COMMD5: variants seen among roughly 807,000 people sequenced by gnomAD.
COMMD5 encodes COMM domain containing 5.
COMMD5 carries 10 observed loss-of-function variants against 6.9 expected under a neutral mutation model. The ratio of observed to expected loss-of-function variants is 1.44; its 90% CI spans 0.89 to 2.45. The LOEUF is 2.45. Among genes scored for constraint, COMMD5 ranks in the 30% most tolerant of loss-of-function variants. COMMD5 has a pLI of 0.00. For synonymous variants in COMMD5, 127 were observed against 125.3 expected, an observed-to-expected ratio of 1.01 and a Z score of -0.09; for missense variants, 234 against 287.8, an observed-to-expected ratio of 0.81 and a Z score of 1.35.
chr8:144,846,369 A>G, downstream of COMMD5: 1 of 599,890 alleles, frequency 1.7e-6, no homozygotes, highest in African/African-American at 1.8e-5. Flanking sequence ...GGAGAAAATA[A>G]GAGACTTGTG....
intron 1 of COMMD5, among the ~76,000 whole-genome samples, chr8:144,844,950 T>C (rs763691978): frequency 3.3e-5 from 5 of 150,470 alleles, no homozygotes; most frequent in Non-Finnish European, 7.4e-5. Flanking sequence ...GGAAAAACGA[T>C]GGTAGGGAAA....
chr8:144,838,383 C>T (rs1829337249), downstream of COMMD5: 1 of 486,290 alleles, frequency 2.1e-6, no homozygotes, highest in African/African-American at 2.0e-5. Flanking sequence ...CTAACCAGGG[C>T]ACCCACTGCC....
Position 144,850,923 on chromosome 8 carries a change from T to C in COMMD5, c.416A>G (p.Asp139Gly), listed in dbSNP as rs755250483. The C allele has an allele frequency of 5.6e-6, 9 of 1,607,968 alleles. No individual in the cohort carries two copies. The highest frequency in any genetic ancestry group is 6.8e-6 in the Non-Finnish European group (8 of 1,177,858). The change falls in exon 2 of 2, where the codon GAT becomes GGT. Residue 139 changes from aspartate (D) to glycine (G), a missense_variant. Coordinates refer to ENST00000305103, the MANE Select transcript of COMMD5 (RefSeq NM_014066.4). This position sits in a 1 kb window ranked among gnomAD's most constrained non-coding sequence, Gnocchi z 4.0. ...VVFGSQRPLL[D>G]SVAQQQGAWL... ...GGCCCCCTGCTGCTGGGCCACAGAA[T>C]CAAGGAGGGGCCGCTGGCTCCCAAA...
At chr8:144,846,081 C>T, downstream of COMMD5, 1 of 1,536,450 alleles carries the variant, frequency 6.5e-7, no homozygotes, top group Non-Finnish European at 8.7e-7. Flanking sequence ...CAAAGACTGA[C>T]CCTGCCTCCT....
In COMMD5 at chr8:144,843,535, C is replaced by G. The variant is rs1203865503; in HGVS notation, c.*117-1792G>C. ...CCCAGGAGGCGGAGCTTGCAGTGAG[C>G]TGAGATCGCGCCACTGCACTCCAGC... On this transcript the variant is annotated intron_variant and NMD_transcript_variant, in intron 1 of 1. Transcript: ENST00000530332. 7.3e-5 allele frequency: 11 copies of G among 150,854 alleles called. No individual in the cohort carries two copies. The Admixed American group carries it at 8.1e-4, about 11-fold the overall frequency. 9.3% of individuals were successfully genotyped at this position (150,854 alleles called of 1,614,324 possible). A position where few individuals can be genotyped will look rare whatever the true frequency, so the allele number is the denominator to read the frequency against.
chr8:144,849,058 C>CCA (rs1830629325), downstream of COMMD5, among the ~76,000 whole-genome samples: 1 of 152,198 alleles, frequency 6.6e-6, no homozygotes, highest in African/African-American at 2.4e-5. Flanking sequence ...GCTCTGGGCT[C>CCA]CACACAGGCT....
At chr8:144,838,298 GACTGTGTTTCCAAACAA>G (rs1043654138), downstream of COMMD5, 6 of 585,160 alleles carry the variant, frequency 1.0e-5, no homozygotes, top group African/African-American at 9.3e-5. Context: ...AATCTGCAAC[GACTGTGTTTCCAAACAA>G]GGTCACATTC....
At chr8:144,842,570 A>T in intron 1 of COMMD5, 1 of 1,614,208 alleles carries the variant, frequency 6.2e-7, no homozygotes, top group Non-Finnish European at 8.5e-7. Context: ...ATTCAGCATC[A>T]GCGAATCCAC....
At chr8:144,848,294 A>G (rs1350540576), downstream of COMMD5, among the ~76,000 whole-genome samples, 1 of 151,440 alleles carries the variant, frequency 6.6e-6, no homozygotes, top group East Asian at 1.9e-4. Context: ...TGATGGGGAG[A>G]CCTTGTCTCA....
At chr8:144,838,941 CAAAAAAAAA>C (rs56967328), downstream of COMMD5, 1 of 65,870 alleles carries the variant, frequency 1.5e-5, no homozygotes, top group South Asian at 5.2e-4. Flanking sequence ...GATGACGTCT[CAAAAAAAAA>C]AAAAAAAAAA....
intron 1 of COMMD5, chr8:144,843,562 T>A (rs1022559532): frequency 2.2e-5 from 3 of 133,548 alleles, no homozygotes; most frequent in Admixed American, 1.8e-4. Context: ...CACTCCAGCC[T>A]GGGTGACAGA....
At chr8:144,845,496 T>G (rs114147274), downstream of COMMD5, among the ~76,000 whole-genome samples, 3,895 of 152,246 alleles carry the variant, frequency 0.026, 167 homozygotes, top group African/African-American at 0.09. Flanking sequence ...GGCAGGTGGC[T>G]TGCTCAAGGC....
chr8:144,842,238 A>G (rs1357823207), intron 1 of COMMD5: 1 of 1,613,874 alleles, frequency 6.2e-7, no homozygotes, highest in Non-Finnish European at 8.5e-7. Context: ...GCTCCACCCT[A>G]GCCCAGCATC....
chr8:144,841,920 C>T (rs1424764481), intron 1 of COMMD5: 1 of 1,613,916 alleles, frequency 6.2e-7, no homozygotes, highest in African/African-American at 1.3e-5. Flanking sequence ...ATCAGAGAAT[C>T]CACACGGGAG....
chr8:144,847,250 C>T (rs1286103307), downstream of COMMD5: 1 of 152,204 alleles, frequency 6.6e-6, no homozygotes, highest in Non-Finnish European at 1.5e-5. Flanking sequence ...AACCTGTTCA[C>T]ACTGCACTGC....
intron 1 of COMMD5, chr8:144,842,509 C>A (rs762152302): frequency 6.2e-7 from 1 of 1,614,126 alleles, no homozygotes; most frequent in Non-Finnish European, 8.5e-7. Flanking sequence ...TGGAGAAAAA[C>A]CATTTAAATG....
chr8:144,838,453 C>T (rs533861815), downstream of COMMD5: 91 of 359,482 alleles, frequency 2.5e-4, no homozygotes, highest in African/African-American at 1.2e-3. Context: ...CCTGCTTAGC[C>T]GGTGTGCTGC....
chr8:144,843,209 T>C (rs1735408), intron 1 of COMMD5: 1,252,738 of 1,513,780 alleles, frequency 0.83, 520,887 homozygotes, highest in East Asian at 1. Flanking sequence ...AATAAACCTA[T>C]AGCCTTAACT....
At position 144,850,482 on chromosome 8, in the gene COMMD5, G is replaced by GA. The variant is rs1830683895; in HGVS notation, c.*181dup. ...TTTTTAGCTGCTTTACTTCCAAAAA[G>GA]AAAAAAAGGCATAGCTCTCTTTTTC... On this transcript the variant is annotated 3_prime_UTR_variant, in exon 2 of 2. Coordinates refer to ENST00000305103, the MANE Select transcript of COMMD5 (RefSeq NM_014066.4). The surrounding 1 kb of genome is among the most constrained non-coding windows in gnomAD (Gnocchi z 4.0). 2.8e-6 allele frequency: 2 copies of GA among 707,666 alleles called. No individual in the cohort carries two copies. Among genetic ancestry groups the GA allele is most frequent in the Non-Finnish European group, 4.5e-6 (2 of 443,606 alleles). 43.8% of individuals were successfully genotyped at this position (707,666 alleles called of 1,614,324 possible). A position where few individuals can be genotyped will look rare whatever the true frequency, so the allele number is the denominator to read the frequency against.
Sources: allele counts gnomAD v4.1 joint callset (sites outside exome capture counted in the v4.1 genomes callset), GRCh38; gene constraint gnomAD v4.1.1; non-coding constraint Gnocchi (gnomAD v3.1); transcripts MANE v1.5; gene names NCBI Gene and HGNC (gene_info 2026-07-23, HGNC 2026-07-21).